Variants in ZNF320 observed in about 807,000 individuals in gnomAD.
The protein encoded by ZNF320 is zinc finger protein 320, also known as zinc finger gene 320.
In ZNF320, 2 loss-of-function variants were observed where a neutral mutation model predicts 6.8. That is an observed-to-expected ratio of 0.29 (90% confidence interval 0.12 to 0.93). The LOEUF (loss-of-function observed/expected upper bound fraction) is 0.93. Among genes scored for constraint, ZNF320 ranks in the 40% least tolerant of loss-of-function variants. ZNF320 has a pLI of 0.55. For synonymous variants in ZNF320, 208 were observed against 203.2 expected, an observed-to-expected ratio of 1.02 and a Z score of -0.20; for missense variants, 472 against 611.0, an observed-to-expected ratio of 0.77 and a Z score of 2.40.
chr19:52,883,502 C>T (rs1269623579), intron 5 of ZNF320: 1 of 364,312 alleles, frequency 2.7e-6, no homozygotes. Flanking sequence ...AAGGCCATAA[C>T]TTGTAGTTAC....
intron 5 of ZNF320, among the ~76,000 whole-genome samples, chr19:52,884,781 CAG>C (rs2064024565): frequency 6.6e-6 from 1 of 152,132 alleles, no homozygotes; most frequent in Admixed American, 6.6e-5. Flanking sequence ...AGTGAAATGA[CAG>C]AGAAAGGAAC....
downstream of ZNF320, among the ~76,000 whole-genome samples, chr19:52,872,436 C>T (rs1293136613): frequency 9.2e-5 from 14 of 152,152 alleles, no homozygotes; most frequent in Middle Eastern, 3.2e-3. Flanking sequence ...AAAGTGGGTC[C>T]GGGGGAGCAG....
In ZNF320 at chr19:52,880,892, G is replaced by T; in HGVS notation, c.1234C>A (p.Leu412Ile). 1 of 1,613,930 alleles carries T rather than the reference G, an allele frequency of 6.2e-7. No individual in the cohort carries two copies. Among genetic ancestry groups the T allele is most frequent in the Non-Finnish European group, 8.5e-7 (1 of 1,179,886 alleles). ...TTGTCACATTCTTCACATTCGTAAA[G>T]TTTCTCTCCAGTATGAAGTTTTTGA... Reference protein sequence around the residue: ...CHQKLHTGEKLYECEECDKVY... With the variant: ...CHQKLHTGEKIYECEECDKVY... The change falls in exon 6 of 6, where the codon CTT becomes ATT. Residue 412 changes from leucine to isoleucine, a missense_variant. Transcript: ENST00000682928.
upstream of ZNF320, among the ~76,000 whole-genome samples, chr19:52,901,817 T>C (rs1200249545): frequency 6.6e-6 from 1 of 152,238 alleles, no homozygotes; most frequent in Admixed American, 6.5e-5. Context: ...CCCTTGGACA[T>C]GGGGGCCAGC....
chr19:52,865,449 TATGTAATACA>T (rs2063527869), intron 5 of ZNF320: 2 of 134,704 alleles, frequency 1.5e-5, no homozygotes, highest in African/African-American at 7.2e-5. Flanking sequence ...TATATATATA[TATGTAATACA>T]TATATATATA....
downstream of ZNF320, among the ~76,000 whole-genome samples, chr19:52,873,625 A>T (rs1309072757): frequency 6.6e-6 from 1 of 152,200 alleles, no homozygotes; most frequent in Admixed American, 6.5e-5. Context: ...CCCACAACGT[A>T]TGACTTTCAT....
downstream of ZNF320, among the ~76,000 whole-genome samples, chr19:52,860,287 T>C (rs2063480090): frequency 6.6e-6 from 1 of 151,958 alleles, no homozygotes; most frequent in Admixed American, 6.6e-5. Flanking sequence ...CTAACAAAAC[T>C]TATTATTTTG....
rs769119119 is a variant in ZNF320 at position 52,879,125 on chromosome 19, G to C, written c.*1471C>G. On this transcript the variant is annotated 3_prime_UTR_variant, in exon 6 of 6. Transcript: ENST00000682928. The stretch of plus-strand genomic sequence containing the variant: ...TGTTCAGACATGTTATAACGGATTT[G>C]TATCAGTTTATCTTGGTGCAAAAAA... 2.0e-5 allele frequency: 3 copies of C among 152,156 alleles called. No individual in the cohort carries two copies. The highest frequency in any genetic ancestry group is 4.4e-5 in the Non-Finnish European group (3 of 68,054). The allele number at this position is 152,156 out of a possible 1,614,324, so 9.4% of individuals were successfully genotyped here.
Position 52,865,912 on chromosome 19 carries a change from CAT to C in ZNF320, c.224-1755_224-1754del, listed in dbSNP as rs1293070992. On this transcript the variant is annotated intron_variant, in intron 5 of 5. Transcript: ENST00000673631. The stretch of plus-strand genomic sequence containing the variant: ...ATATATTTATATATATGATTATACA[CAT>C]ATATTTATATATGATTATACACATA... Among the ~76,000 whole-genome samples, 9 of 69,070 alleles carry C rather than the reference CAT, an allele frequency of 1.3e-4. No individual in the cohort carries two copies. The South Asian group carries it at 2.4e-3, about 18-fold the overall frequency. 45.3% of individuals were successfully genotyped at this position (69,070 alleles called of 152,430 possible).
At position 52,881,215 on chromosome 19, in the gene ZNF320, T is replaced by A. The variant is rs760523681; in HGVS notation, c.911A>T (p.Asn304Ile). 1.2e-6 allele frequency: 2 copies of A among 1,614,082 alleles called. No homozygotes were observed. Among genetic ancestry groups the A allele is most frequent in the African/African-American group, 2.7e-5 (2 of 74,938 alleles). Residue 304 changes from asparagine to isoleucine, a missense_variant, in exon 6 of 6, where the codon AAT (asparagine) becomes ATT (isoleucine). Asn to Ile is a moderately radical substitution (Grantham distance 149). Coordinates refer to ENST00000682928, the MANE Select transcript of ZNF320 (RefSeq NM_001351774.2). ...TTGCTTAAAAACCTTGCCACATTCA[T>A]TACACTTATAGGGTTTCTCTGCAGT... ...VHTAEKPYKC[N>I]ECGKVFKQRA...
At chr19:52,874,912 A>G (rs1246679971), downstream of ZNF320, among the ~76,000 whole-genome samples, 3 of 152,182 alleles carry the variant, frequency 2.0e-5, no homozygotes, top group Non-Finnish European at 4.4e-5. Context: ...TCAGTCCCAG[A>G]AAAAGGAAAG....
rs953855088 is a variant in ZNF320 at position 52,878,196 on chromosome 19, T to C, written c.*2400A>G. 2 of 181,416 alleles carry C rather than the reference T, an allele frequency of 1.1e-5. No homozygotes were observed. The highest frequency in any genetic ancestry group is 2.4e-5 in the African/African-American group (1 of 41,796). 11.2% of individuals were successfully genotyped at this position (181,416 alleles called of 1,614,324 possible). A position where few individuals can be genotyped will look rare whatever the true frequency, so the allele number is the denominator to read the frequency against. On this transcript the variant is annotated 3_prime_UTR_variant, in exon 6 of 6. Coordinates refer to ENST00000682928, the MANE Select transcript of ZNF320 (RefSeq NM_001351774.2). Reference sequence around the variant, plus strand: ...GTGTCGTCTTTGACAGTTGTACCTATAAAACTTATGTGGATGGTCTGCCTG... The same window carrying C: ...GTGTCGTCTTTGACAGTTGTACCTACAAAACTTATGTGGATGGTCTGCCTG...
chr19:52,873,014 A>G (rs2063707364), downstream of ZNF320, among the ~76,000 whole-genome samples: 1 of 152,192 alleles, frequency 6.6e-6, no homozygotes, highest in Non-Finnish European at 1.5e-5. Flanking sequence ...AGTAAAGAGC[A>G]GTATTGCTGC....
intron 5 of ZNF320, chr19:52,865,473 CATATATATATAAT>C (rs2063531219): frequency 2.6e-5 from 1 of 38,874 alleles, no homozygotes; most frequent in Non-Finnish European, 5.9e-5. Context: ...ATATATATTA[CATATATATATAAT>C]ACATATATAT....
At position 52,863,547 on chromosome 19, in the gene ZNF320, G is replaced by C. The variant is rs150511730; in HGVS notation, c.*482C>G. Among the ~76,000 whole-genome samples the C allele has an allele frequency of 5.2e-3, 787 of 151,110 alleles. 8 individuals are homozygous for C. Among genetic ancestry groups the C allele is most frequent in the African/African-American group, 0.016 (668 of 41,120 alleles). Reference sequence around the variant, plus strand: ...GGACCTGGGAGGCAGAGGTTGCAGTGAGCCGAGATGGTGCCACTGCACTCC... The same window carrying C: ...GGACCTGGGAGGCAGAGGTTGCAGTCAGCCGAGATGGTGCCACTGCACTCC... On this transcript the variant is annotated 3_prime_UTR_variant, in exon 6 of 6. Transcript: ENST00000673631.
chr19:52,876,272 G>A lies in ZNF320; in HGVS notation c.*4324C>T, dbSNP rs1182164173. On this transcript the variant is annotated 3_prime_UTR_variant, in exon 6 of 6. Coordinates refer to ENST00000682928, the MANE Select transcript of ZNF320 (RefSeq NM_001351774.2). ...GAAACAACCTAAAATCATTTATCAGGTACTAGAAAATGTTTCCAATGTATG... is the reference window on the plus strand; with the variant it reads ...GAAACAACCTAAAATCATTTATCAGATACTAGAAAATGTTTCCAATGTATG... 1.3e-5 allele frequency: 2 copies of A among 152,082 alleles called. No individual in the cohort carries two copies. Among genetic ancestry groups the A allele is most frequent in the Non-Finnish European group, 2.9e-5 (2 of 68,016 alleles). 9.4% of individuals were successfully genotyped at this position (152,082 alleles called of 1,614,324 possible).
downstream of ZNF320, among the ~76,000 whole-genome samples, chr19:52,872,942 G>A (rs1316866178): frequency 2.6e-5 from 4 of 152,154 alleles, no homozygotes; most frequent in Admixed American, 6.5e-5. Flanking sequence ...AAGGAAATGT[G>A]CTCTGCCTGG....
chr19:52,901,852 T>C (rs1459367801), upstream of ZNF320, among the ~76,000 whole-genome samples: 1 of 152,202 alleles, frequency 6.6e-6, no homozygotes, highest in Non-Finnish European at 1.5e-5. Flanking sequence ...TCTAGTTGTT[T>C]TGAGAGTCAG....
In ZNF320 at chr19:52,866,433, C is replaced by A. The variant is rs138533980; in HGVS notation, c.224-2274G>T. On this transcript the variant is annotated intron_variant, in intron 5 of 5. Transcript: ENST00000673631. ...ACTCAGAGGCAGCCAGGGTGGCATT[C>A]TTGGTAACGGTGAAAAACTGGGAAG... 4.8e-3 allele frequency among the ~76,000 whole-genome samples: 735 copies of A among 151,824 alleles called. 7 individuals are homozygous for A. The highest frequency in any genetic ancestry group is 0.017 in the African/African-American group (694 of 41,408).
Sources: gnomAD v4.1 joint callset for allele counts (sites outside exome capture counted in the v4.1 genomes callset) on GRCh38, gnomAD v4.1.1 for gene constraint, MANE v1.5 for transcripts, NCBI Gene and HGNC (gene_info 2026-07-23, HGNC 2026-07-21) for gene names.